The following SIGLEC1 variants were observed in gnomAD, a reference collection of about 807,000 sequenced individuals.
SIGLEC1 encodes sialoadhesin.
A neutral mutation model predicts 148.0 loss-of-function variants in SIGLEC1; 132 were observed. That is an observed-to-expected ratio of 0.89 (90% CI 0.77 to 1.03). The LOEUF (loss-of-function observed/expected upper bound fraction) is 1.03, where lower values mean the gene tolerates loss of function less well. Among genes scored for constraint, SIGLEC1 ranks in the 50% least tolerant of loss-of-function variants. SIGLEC1 has a pLI of 0.00. For missense variants in SIGLEC1, 2,253 were observed against 2,271.4 expected, an observed-to-expected ratio of 0.99 and a Z score of 0.16; for synonymous variants, 945 against 969.0, an observed-to-expected ratio of 0.98 and a Z score of 0.46.
rs141315143 is a variant in SIGLEC1, at chr20:3,694,231, G to C, written c.3246C>G (p.Phe1082Leu). The change falls in exon 13 of 22, where the codon TTC becomes TTG. Residue 1082 changes from phenylalanine (F) to leucine (L), a missense_variant. By Grantham distance (22) the Phe-to-Leu change is conservative. Coordinates refer to ENST00000344754, the MANE Select transcript of SIGLEC1 (RefSeq NM_023068.4). ...CACACACACACTGACCTTGAGCGTC[G>C]AAGTCAGCTGAGGCCGAGGCCTGGC... ...TLGQASASAD[F>L]DAQAVNVQVW... 9 of 1,603,684 alleles carry C rather than the reference G, an allele frequency of 5.6e-6. No homozygotes were observed. Among genetic ancestry groups the C allele is most frequent in the South Asian group, 1.1e-5 (1 of 90,754 alleles).
At position 3,703,443 on chromosome 20, in the gene SIGLEC1, C is replaced by T. The variant is rs1397222434; in HGVS notation, c.982G>A (p.Val328Ile). ...ATGGGACCTGCTGGGCTCACCTGGACCTCAGCCACTGCAAGGGCAGCATAG... is the reference window on the plus strand; with the variant it reads ...ATGGGACCTGCTGGGCTCACCTGGATCTCAGCCACTGCAAGGGCAGCATAG... ...PISLHIFMAEVQVSPAGPILE... is the reference protein window; with the variant it reads ...PISLHIFMAEIQVSPAGPILE... Residue 328 changes from valine to isoleucine, a missense_variant, in exon 6 of 22, where the codon GTC becomes ATC. By Grantham distance (29) the Val-to-Ile change is conservative (BLOSUM62 3). Coordinates refer to ENST00000344754, the MANE Select transcript of SIGLEC1 (RefSeq NM_023068.4). 2.2e-5 allele frequency: 34 copies of T among 1,570,210 alleles called. No homozygotes were observed. The highest frequency in any genetic ancestry group is 2.9e-5 in the Non-Finnish European group (33 of 1,155,486).
At position 3,688,262 on chromosome 20, in the gene SIGLEC1, AGGG is replaced by A. The variant is rs2088718637; in HGVS notation, c.*295_*297del. 5.6e-5 allele frequency: 23 copies of A among 411,740 alleles called. No homozygotes were observed. Among genetic ancestry groups the A allele is most frequent in the South Asian group, 3.5e-4 (16 of 46,184 alleles). The allele number at this position is 411,740 out of a possible 1,614,324, so 25.5% of individuals were successfully genotyped here. On this transcript the variant is annotated 3_prime_UTR_variant, in exon 22 of 22. Transcript: ENST00000344754. ...TGACTTTCGAGGAGAAGGATGTGAA[AGGG>A]CAGGGCTTCCTTTGAGGGAGAAATG...
At chr20:3,709,909 G>A (rs1021718780) in intron 1 of SIGLEC1, among the ~76,000 whole-genome samples, 1 of 152,224 alleles carries the variant, frequency 6.6e-6, no homozygotes, top group African/African-American at 2.4e-5. Context: ...GCTGCAGGGA[G>A]GGGGAGCTAA....
Position 3,694,687 on chromosome 20 carries a change from C to T in SIGLEC1, c.2920G>A (p.Ala974Thr). 8.7e-6 allele frequency: 14 copies of T among 1,613,684 alleles called. No individual in the cohort carries two copies. The highest frequency in any genetic ancestry group is 1.2e-5 in the Non-Finnish European group (14 of 1,179,916). ...CAGGACACGTGGAGGCTGATGGGTGCAGCTAGGCTCGTGGTGGCTGAGCCT... is the reference window on the plus strand; with the variant it reads ...CAGGACACGTGGAGGCTGATGGGTGTAGCTAGGCTCGTGGTGGCTGAGCCT... ...APGSATTSLA[A>T]PISLHVSYAP... Residue 974 changes from alanine (A) to threonine (T), a missense_variant, in exon 12 of 22, where the codon GCA becomes ACA. Transcript: ENST00000344754.
chr20:3,692,915 G>A lies in SIGLEC1; in HGVS notation c.3725C>T (p.Ser1242Phe). 6.2e-7 allele frequency: 1 copy of A among 1,612,406 alleles called. No individual in the cohort carries two copies. Residue 1242 changes from serine to phenylalanine, a missense_variant, in exon 15 of 22, where the codon TCT (serine) becomes TTT (phenylalanine). Ser to Phe is a radical substitution (Grantham distance 155). Transcript: ENST00000344754. ...GGCCTGGCCCAGAGGGCTGCGGGCA[G>A]AGCAGCTGTAGAAACCCTCATCCCT... Reference protein sequence around the residue: ...QPRDEGFYSCSARSPLGQANT... With the variant: ...QPRDEGFYSCFARSPLGQANT...
intron 9 of SIGLEC1, 119 bp from the exon 10 acceptor site, chr20:3,697,461 G>T: frequency 7.7e-7 from 1 of 1,297,110 alleles, no homozygotes; most frequent in Non-Finnish European, 1.1e-6. Context: ...GGGTTGGGGA[G>T]AAAAGCAAGC....
At chr20:3,711,742 A>G (rs2087930045) in intron 1 of SIGLEC1, among the ~76,000 whole-genome samples, 1 of 152,352 alleles carries the variant, frequency 6.6e-6, no homozygotes, top group East Asian at 1.9e-4. Flanking sequence ...TGGGCAGTAG[A>G]AATTTCACAC....
At chr20:3,703,164 T>G in intron 6 of SIGLEC1, 33 bp downstream of exon 6, 2 of 1,612,754 alleles carry the variant, frequency 1.2e-6, no homozygotes, top group Non-Finnish European at 1.7e-6. Context: ...CTGCTCTGAC[T>G]GTGTCCAGTG....
intron 2 of SIGLEC1, among the ~76,000 whole-genome samples, 158 bp from the exon 3 acceptor site, chr20:3,706,864 C>T (rs910214195): frequency 1.3e-5 from 2 of 152,158 alleles, no homozygotes; most frequent in East Asian, 3.9e-4. Context: ...TCTCAGTGCC[C>T]CAGGGGTCAG....
chr20:3,703,315 G>T lies in SIGLEC1; in HGVS notation c.1110C>A (p.Ala370=). ...AGTGCAGCCGGAGGGTATGGGAGTG[G>T]GCATCCTCCAGCAGGACATGGTTCT... is the stretch of plus-strand genomic sequence containing the variant. ...WYKNHVLLED[A]HSHTLRLHLA... The change falls in exon 6 of 22, where the codon GCC becomes GCA. Residue 370 remains alanine, a synonymous_variant. Coordinates refer to ENST00000344754, the MANE Select transcript of SIGLEC1 (RefSeq NM_023068.4). 2.5e-6 allele frequency: 4 copies of T among 1,614,160 alleles called. No individual in the cohort carries two copies. The highest frequency in any genetic ancestry group is 8.5e-7 in the Non-Finnish European group (1 of 1,180,004).
rs756585935 is a variant in SIGLEC1, at chr20:3,696,698, G to A, written c.2571C>T (p.Asn857=). The A allele has an allele frequency of 8.1e-6, 13 of 1,613,710 alleles. No homozygotes were observed. The highest frequency in any genetic ancestry group is 1.7e-5 in the Admixed American group (1 of 60,012). ...HGRFQAKAEA[N]SLKLEVRELG... is the part of the protein sequence containing the mutation. ...GTTCTCGGACCTCTAACTTCAGGGA[G>A]TTGGCCTCAGCTTTAGCCTGGAACC... Residue 857 remains asparagine, a synonymous_variant, in exon 11 of 22, where the codon AAC becomes AAT. Coordinates refer to ENST00000344754, the MANE Select transcript of SIGLEC1 (RefSeq NM_023068.4).
rs187949411 is a variant in SIGLEC1 at position 3,700,661 on chromosome 20, G to T, written c.1528+681C>A. Among the ~76,000 whole-genome samples the T allele has an allele frequency of 1.0e-3, 157 of 151,024 alleles. 1 individual carries two copies. The highest frequency in any genetic ancestry group is 3.6e-3 in the African/African-American group (147 of 41,206). ...AGGAGGGAAGGACAGTGCACATACC[G>T]AAAGTTGGAAGACCGTACTTTTCTT... On this transcript the variant is annotated intron_variant, in intron 7 of 21. Coordinates refer to ENST00000344754, the MANE Select transcript of SIGLEC1 (RefSeq NM_023068.4).
chr20:3,703,676 G>A (rs959545500), intron 5 of SIGLEC1, 149 bp downstream of exon 5: 44 of 1,167,372 alleles, frequency 3.8e-5, no homozygotes, highest in Non-Finnish European at 5.1e-5. Context: ...CTGTCTCATG[G>A]TAAGGCAGGG....
In SIGLEC1 at chr20:3,691,312, TAAGGCGGAGG is replaced by T; in HGVS notation, c.4591+18_4591+27del. On this transcript the variant is annotated intron_variant, in intron 18 of 21. Transcript: ENST00000344754. ...GTGGGCGTGTGAGATGTGGGGAGACTAAGGCGGAGGAGGGGGTTCACACTCACAGAGCACA... is the reference window on the plus strand; with the variant it reads ...GTGGGCGTGTGAGATGTGGGGAGACTAGGGGGTTCACACTCACAGAGCACA... The T allele has an allele frequency of 6.2e-7, 1 of 1,611,228 alleles. No individual in the cohort carries two copies. Among genetic ancestry groups the T allele is most frequent in the Non-Finnish European group, 8.5e-7 (1 of 1,178,326 alleles).
At position 3,693,573 on chromosome 20, in the gene SIGLEC1, G is replaced by C. The variant is rs777188219; in HGVS notation, c.3382C>G (p.Arg1128Gly). The C allele has an allele frequency of 6.2e-7, 1 of 1,612,704 alleles. No homozygotes were observed. The highest frequency in any genetic ancestry group is 1.1e-5 in the South Asian group (1 of 90,922). Residue 1128 changes from arginine (R) to glycine (G), a missense_variant, in exon 14 of 22, where the codon CGC (arginine) becomes GGC (glycine). Transcript: ENST00000344754. ...TYTWYQDGQQ[R>G]LDAHSIPLPN... is the part of the protein sequence containing the mutation. ...AGGGGGATGGAGTGGGCATCCAGGC[G>C]CTGCTGCCCATCCTGGTACCATGTG...
At chr20:3,692,242 C>G in intron 16 of SIGLEC1, 40 bp from the exon 17 acceptor site, 1 of 1,495,720 alleles carries the variant, frequency 6.7e-7, no homozygotes. Context: ...CTTGCTTAGG[C>G]ACCCTGTACT....
chr20:3,692,778 C>A lies in SIGLEC1; in HGVS notation c.3779-6G>T. 6.2e-7 allele frequency: 1 copy of A among 1,606,422 alleles called. No homozygotes were observed. ...AGCCAGGATCACCCGCACACCTGTG[C>A]CAAGGAGGCCAGGATCAGCCGGGCC... On this transcript the variant is annotated splice_region_variant and splice_polypyrimidine_tract_variant and intron_variant, in intron 15 of 21. Coordinates refer to ENST00000344754, the MANE Select transcript of SIGLEC1 (RefSeq NM_023068.4).
rs1312173083 is a variant in SIGLEC1, at chr20:3,706,716, G to A, written c.50-10C>T. 7.2e-6 allele frequency: 11 copies of A among 1,530,840 alleles called. No individual in the cohort carries two copies. The highest frequency in any genetic ancestry group is 1.2e-5 in the South Asian group (1 of 82,872). 94.8% of individuals were successfully genotyped at this position (1,530,840 alleles called of 1,614,324 possible). On this transcript the variant is annotated splice_polypyrimidine_tract_variant and intron_variant, in intron 2 of 21. Transcript: ENST00000344754. ...CCCCATGAGGCCTGGCCTGGGGGAA[G>A]AACGGCAGGGGGACAGAGGGGAGGG...
At chr20:3,701,740 T>G in intron 6 of SIGLEC1, 99 bp from the exon 7 acceptor site, 1 of 1,203,742 alleles carries the variant, frequency 8.3e-7, no homozygotes, top group Non-Finnish European at 1.1e-6. Context: ...TGTCCCACAC[T>G]GCCCTGTGAG....
Sources: gnomAD v4.1 joint callset for allele counts (sites outside exome capture counted in the v4.1 genomes callset) on GRCh38, gnomAD v4.1.1 for gene constraint, MANE v1.5 for transcripts, NCBI Gene and HGNC (gene_info 2026-07-23, HGNC 2026-07-21) for gene names.